Variants in SESTD1 observed in about 807,000 individuals in gnomAD.
The protein encoded by SESTD1 is SEC14 and spectrin domain containing 1, also known as SEC14 domain and spectrin repeat-containing protein 1.
SESTD1 carries 43 observed loss-of-function variants against 101.7 expected under a neutral mutation model. That is an observed-to-expected ratio of 0.42 (90% confidence interval 0.33 to 0.55). The LOEUF is 0.55. Ranked by LOEUF, SESTD1 falls within the 20% of genes least tolerant of loss-of-function variation. The probability of loss-of-function intolerance (pLI) is 0.07; values close to 1 mark genes in which losing one functional copy is unlikely to be tolerated. For missense variants in SESTD1, 647 were observed against 815.1 expected, an observed-to-expected ratio of 0.79 and a Z score of 2.51; for synonymous variants, 283 against 286.8, an observed-to-expected ratio of 0.99 and a Z score of 0.13.
chr2:179,113,688 G>T (rs1271004385), intron 16 of SESTD1, among the ~76,000 whole-genome samples: 1 of 152,012 alleles, frequency 6.6e-6, no homozygotes, highest in African/African-American at 2.4e-5. Context: ...GCTTATAGTT[G>T]TGGTTATTTA....
chr2:179,158,470 CG>C (rs1323531790), intron 5 of SESTD1, among the ~76,000 whole-genome samples: 7 of 152,082 alleles, frequency 4.6e-5, no homozygotes, highest in African/African-American at 1.7e-4. Context: ...TTACATACAA[CG>C]GAAGTTTATT....
At chr2:179,154,766 T>A (rs1242520218) in intron 5 of SESTD1, among the ~76,000 whole-genome samples, 2 of 152,172 alleles carry the variant, frequency 1.3e-5, no homozygotes, top group Admixed American at 6.5e-5. Context: ...GAAGTTAAGA[T>A]TAAAAAGCTG....
intron 2 of SESTD1, among the ~76,000 whole-genome samples, chr2:179,186,073 TATATA>T (rs200729020): frequency 0.031 from 4,497 of 147,286 alleles, 94 homozygotes; most frequent in Middle Eastern, 0.051. Flanking sequence ...TTATATACAA[TATATA>T]ATATAATACA....
intron 1 of SESTD1, among the ~76,000 whole-genome samples, chr2:179,231,561 T>G (rs564153315): frequency 6.6e-6 from 1 of 150,520 alleles, no homozygotes; most frequent in East Asian, 2.0e-4. Context: ...AAGCACATCA[T>G]AGAGAAATAA....
chr2:179,221,151 T>C lies in SESTD1; in HGVS notation c.-25-29285A>G, dbSNP rs141955128. ...TATTTGGTATGTACCAAACACTACA[T>C]TGGGGAGGGGAGGAAATGTAAAAAT... On this transcript the variant is annotated intron_variant, in intron 1 of 17. Coordinates refer to ENST00000428443, the MANE Select transcript of SESTD1 (RefSeq NM_178123.5). Among the ~76,000 whole-genome samples the C allele has an allele frequency of 4.7e-3, 716 of 152,142 alleles. 1 individual carries two copies. The highest frequency in any genetic ancestry group is 0.01 in the Middle Eastern group (3 of 294).
chr2:179,249,285 G>C (rs2047279955), intron 1 of SESTD1, among the ~76,000 whole-genome samples: 1 of 149,296 alleles, frequency 6.7e-6, no homozygotes, highest in African/African-American at 2.5e-5. Flanking sequence ...AAGAAATCTA[G>C]CAAAAATTCC....
At chr2:179,240,235 C>G (rs2047131271) in intron 1 of SESTD1, among the ~76,000 whole-genome samples, 1 of 152,156 alleles carries the variant, frequency 6.6e-6, no homozygotes, top group African/African-American at 2.4e-5. Context: ...AAGAAGCTCT[C>G]TGAATAACAG....
chr2:179,129,429 C>T (rs992984895), intron 10 of SESTD1, among the ~76,000 whole-genome samples: 4 of 152,076 alleles, frequency 2.6e-5, no homozygotes, highest in Non-Finnish European at 5.9e-5. Context: ...CTTCTAATTA[C>T]CAATCCTTGA....
intron 5 of SESTD1, among the ~76,000 whole-genome samples, chr2:179,155,570 C>T (rs922275533): frequency 6.0e-4 from 91 of 151,832 alleles, no homozygotes; most frequent in Non-Finnish European, 1.1e-3. Context: ...GAGCTATGAT[C>T]GTGCCACTGC....
chr2:179,230,580 A>C (rs2046973331), intron 1 of SESTD1, among the ~76,000 whole-genome samples: 1 of 152,124 alleles, frequency 6.6e-6, no homozygotes, highest in Non-Finnish European at 1.5e-5. Context: ...AATAGAGTAA[A>C]ACCTTAATAA....
chr2:179,243,944 G>GTATA lies in SESTD1; in HGVS notation c.-26+20551_-26+20554dup, dbSNP rs750528520. On this transcript the variant is annotated intron_variant, in intron 1 of 17. Coordinates refer to ENST00000428443, the MANE Select transcript of SESTD1 (RefSeq NM_178123.5). ...ATTAAAAATATATATATATGTGTGT[G>GTATA]TATATATATATATATATACACACAC... Among the ~76,000 whole-genome samples, 468 of 139,368 alleles carry GTATA rather than the reference G, an allele frequency of 3.4e-3. 3 individuals are homozygous for GTATA. The highest frequency in any genetic ancestry group is 8.3e-3 in the African/African-American group (296 of 35,868). 91.4% of individuals were successfully genotyped at this position (139,368 alleles called of 152,430 possible).
chr2:179,173,209 C>A (rs2045955443), intron 4 of SESTD1, among the ~76,000 whole-genome samples: 2 of 152,126 alleles, frequency 1.3e-5, no homozygotes, highest in East Asian at 3.9e-4. Context: ...ATTTAAGATT[C>A]TATTCAAATA....
intron 5 of SESTD1, among the ~76,000 whole-genome samples, chr2:179,170,800 T>G (rs2045918173): frequency 6.6e-6 from 1 of 152,164 alleles, no homozygotes; most frequent in Non-Finnish European, 1.5e-5. Flanking sequence ...GGCCAATGAT[T>G]TGGAGAGTTT....
At chr2:179,252,047 A>G (rs1005359431) in intron 1 of SESTD1, among the ~76,000 whole-genome samples, 2 of 152,230 alleles carry the variant, frequency 1.3e-5, no homozygotes, top group Non-Finnish European at 1.5e-5. Context: ...TACAGAGAAG[A>G]GCAATAATTT....
At position 179,121,915 on chromosome 2, in the gene SESTD1, C is replaced by T. The variant is rs370034089; in HGVS notation, c.1297G>A (p.Gly433Ser). The T allele has an allele frequency of 8.8e-6, 14 of 1,599,964 alleles. No individual in the cohort carries two copies. The highest frequency in any genetic ancestry group is 1.1e-5 in the Non-Finnish European group (13 of 1,175,610). Reference protein sequence around the residue: ...KLKSVDVGLQGLREKGQGLLD... With the variant: ...KLKSVDVGLQSLREKGQGLLD... ...AGACCTTGACCTTTTTCACGCAAAC[C>T]TTGCAATCCCACATCTAAAACAAAA... The change falls in exon 13 of 18, where the codon GGT (glycine) becomes AGT (serine). Residue 433 changes from glycine to serine, a missense_variant. Gly to Ser is a moderately conservative substitution (Grantham distance 56). Transcript: ENST00000428443.
rs1215896209 is a variant in SESTD1 at position 179,201,256 on chromosome 2, TAAA to T, written c.-25-9393_-25-9391del. On this transcript the variant is annotated intron_variant, in intron 1 of 17. Transcript: ENST00000428443. ...TCACACCAGTCAGAATGGCAATCAT[TAAA>T]AAGTCAGGAAACAACAGGTGCTGGA... Among the ~76,000 whole-genome samples the T allele has an allele frequency of 1.5e-5, 2 of 131,232 alleles. 1 individual carries two copies. Among genetic ancestry groups the T allele is most frequent in the African/African-American group, 6.3e-5 (2 of 31,506 alleles). The allele number at this position is 131,232 out of a possible 152,430, so 86.1% of individuals were successfully genotyped here.
intron 2 of SESTD1, among the ~76,000 whole-genome samples, chr2:179,190,678 C>CT (rs1026459311): frequency 6.6e-6 from 1 of 152,054 alleles, no homozygotes; most frequent in Non-Finnish European, 1.5e-5. Flanking sequence ...TGAACTTAAT[C>CT]AATTCAACAA....
rs1401945273 is a variant in SESTD1 at position 179,156,715 on chromosome 2, C to G, written c.370-5324G>C. On this transcript the variant is annotated intron_variant, in intron 5 of 17. Transcript: ENST00000428443. ...TGATTTGAGTTCATTGTAGATTCTG[C>G]ATATTGTCCTTTATCAGATGTATAG... 4.6e-5 allele frequency among the ~76,000 whole-genome samples: 7 copies of G among 152,120 alleles called. No individual in the cohort carries two copies. In the South Asian group the frequency reaches 1.5e-3, roughly 32 times the overall value.
intron 1 of SESTD1, among the ~76,000 whole-genome samples, chr2:179,200,591 C>G (rs1011738943): frequency 6.6e-6 from 1 of 151,894 alleles, no homozygotes; most frequent in African/African-American, 2.4e-5. Flanking sequence ...TCAATGGAAC[C>G]GAATAGAGCT....
Sources: gnomAD v4.1 joint callset for allele counts (sites outside exome capture counted in the v4.1 genomes callset) on GRCh38, gnomAD v4.1.1 for gene constraint, MANE v1.5 for transcripts, NCBI Gene and HGNC (gene_info 2026-07-23, HGNC 2026-07-21) for gene names.